MATN2: variants seen among roughly 807,000 people sequenced by gnomAD.
MATN2 encodes matrilin 2, also known as matrilin-2.
A neutral mutation model predicts 103.2 loss-of-function variants in MATN2; 69 were observed. The observed-to-expected ratio is 0.67, with a 90% CI of 0.55 to 0.82. The LOEUF is 0.82. Among genes scored for constraint, MATN2 ranks in the 40% least tolerant of loss-of-function variants. The probability of loss-of-function intolerance (pLI) is 0.00; values close to 1 mark genes in which losing one functional copy is unlikely to be tolerated. For synonymous variants in MATN2, 429 were observed against 450.2 expected (o/e 0.95, Z 0.60); for missense variants, 1,023 against 1,211.5 (o/e 0.84, Z 2.31).
At chr8:98,028,454 G>A (rs1313876858) in intron 14 of MATN2, among the ~76,000 whole-genome samples, 3 of 152,136 alleles carry the variant, frequency 2.0e-5, no homozygotes, top group Non-Finnish European at 4.4e-5. Context: ...GATGTGAAGC[G>A]TGCTCGAGGA....
At chr8:97,970,975 G>T (rs1403554079) in intron 5 of MATN2, among the ~76,000 whole-genome samples, 1 of 151,968 alleles carries the variant, frequency 6.6e-6, no homozygotes, top group African/African-American at 2.4e-5. Flanking sequence ...TAAAAATTAG[G>T]GGTTTATATA....
chr8:98,004,635 C>G (rs539840172), intron 8 of MATN2, among the ~76,000 whole-genome samples: 1 of 152,328 alleles, frequency 6.6e-6, no homozygotes, highest in East Asian at 1.9e-4. Context: ...TATCATGGAG[C>G]CTGTGAGAGG....
chr8:97,925,318 T>A (rs1809957106), intron 2 of MATN2, among the ~76,000 whole-genome samples: 1 of 152,110 alleles, frequency 6.6e-6, no homozygotes, highest in Admixed American at 6.6e-5. Context: ...TCTTGTGTAC[T>A]TATAAGCTTG....
chr8:98,036,357 C>G lies in MATN2; in HGVS notation c.*645C>G, dbSNP rs1352077195. 1 of 152,146 alleles carries G rather than the reference C, an allele frequency of 6.6e-6. No homozygotes were observed. Among genetic ancestry groups the G allele is most frequent in the Non-Finnish European group, 1.5e-5 (1 of 68,034 alleles). 9.4% of individuals were successfully genotyped at this position (152,146 alleles called of 1,614,324 possible). On this transcript the variant is annotated 3_prime_UTR_variant, in exon 19 of 19. Coordinates refer to ENST00000254898, the MANE Select transcript of MATN2 (RefSeq NM_002380.5). ...GGTTAAAACAATACCATTTTTCACC[C>G]ATCAGCTTAGCAAAAATGAGTATAT...
intron 5 of MATN2, among the ~76,000 whole-genome samples, chr8:97,978,233 C>T (rs1405424947): frequency 6.6e-6 from 1 of 152,020 alleles, no homozygotes; most frequent in East Asian, 1.9e-4. Context: ...GTGTAATGAA[C>T]ACATATTTGT....
chr8:98,024,856 C>CA (rs748801245), intron 13 of MATN2: 3 of 103,034 alleles, frequency 2.9e-5, no homozygotes, highest in Non-Finnish European at 6.4e-5. Context: ...AAAAAATAGT[C>CA]TAATAAGTGG....
chr8:97,895,530 G>A (rs1162313431), intron 2 of MATN2, among the ~76,000 whole-genome samples: 2 of 152,182 alleles, frequency 1.3e-5, no homozygotes, highest in African/African-American at 4.8e-5. Flanking sequence ...CACACACATT[G>A]CAGGCCCTCT....
At chr8:97,884,844 G>A (rs1489847940) in intron 1 of MATN2, among the ~76,000 whole-genome samples, 1 of 152,210 alleles carries the variant, frequency 6.6e-6, no homozygotes, top group Non-Finnish European at 1.5e-5. Flanking sequence ...GTGCCAGGCA[G>A]TGTTTGAAGT....
intron 2 of MATN2, among the ~76,000 whole-genome samples, chr8:97,911,460 G>A (rs1809433486): frequency 6.6e-6 from 1 of 152,034 alleles, no homozygotes; most frequent in Non-Finnish European, 1.5e-5. Context: ...TGTAATCCCA[G>A]CACTTTGGGA....
chr8:97,986,470 T>C (rs1017704542), intron 6 of MATN2, among the ~76,000 whole-genome samples: 1 of 152,194 alleles, frequency 6.6e-6, no homozygotes, highest in Non-Finnish European at 1.5e-5. Flanking sequence ...GTCCATTGTA[T>C]CATTCTTATG....
In MATN2 at chr8:97,958,976, G is replaced by A. The variant is rs536754602; in HGVS notation, c.836-2432G>A. ...GCTTCCCTCTTCTGTTTACTCACGC[G>A]TCCCAAGCCTGGAGTGCTGTTTCTC... On this transcript the variant is annotated intron_variant, in intron 4 of 18. Transcript: ENST00000254898. Among the ~76,000 whole-genome samples, 125 of 152,170 alleles carry A rather than the reference G, an allele frequency of 8.2e-4. 1 individual carries two copies. The South Asian group carries it at 0.018, about 22-fold the overall frequency.
intron 6 of MATN2, among the ~76,000 whole-genome samples, chr8:97,988,171 A>AAATATATAT (rs1252963740): frequency 4.3e-5 from 2 of 46,118 alleles, no homozygotes; most frequent in Admixed American, 2.8e-4. Flanking sequence ...AAAAAAAAAA[A>AAATATATAT]ATATATATAT....
Position 97,930,864 on chromosome 8 carries a change from C to T in MATN2, c.143-89C>T, listed in dbSNP as rs544056363. ...CTTGAATTCCTGACCTCAGGTGATCCACCCGCCTTCCAAAGTGCTGGGATT... is the reference window on the plus strand; with the variant it reads ...CTTGAATTCCTGACCTCAGGTGATCTACCCGCCTTCCAAAGTGCTGGGATT... On this transcript the variant is annotated intron_variant, in intron 2 of 18. Coordinates refer to ENST00000254898, the MANE Select transcript of MATN2 (RefSeq NM_002380.5). The T allele has an allele frequency of 3.4e-5, 28 of 819,346 alleles. No individual in the cohort carries two copies. In the South Asian group the frequency reaches 4.1e-4, roughly 12 times the overall value. The allele number at this position is 819,346 out of a possible 1,614,324, so 50.8% of individuals were successfully genotyped here. A position where few individuals can be genotyped will look rare whatever the true frequency, so the allele number is the denominator to read the frequency against.
chr8:98,001,840 A>G (rs1812796374), intron 7 of MATN2, among the ~76,000 whole-genome samples: 1 of 152,094 alleles, frequency 6.6e-6, no homozygotes, highest in African/African-American at 2.4e-5. Context: ...CTTATGTTTC[A>G]TTGGTCAGAA....
chr8:97,897,227 T>C (rs1275176751), intron 2 of MATN2, among the ~76,000 whole-genome samples: 1 of 152,228 alleles, frequency 6.6e-6, no homozygotes, highest in Non-Finnish European at 1.5e-5. Flanking sequence ...GAACTATTAC[T>C]GTAGAGAAAC....
intron 7 of MATN2, among the ~76,000 whole-genome samples, chr8:97,999,393 T>C (rs1812707087): frequency 6.6e-6 from 1 of 152,240 alleles, no homozygotes; most frequent in Admixed American, 6.5e-5. Flanking sequence ...CCACAGTGGC[T>C]GAATGCTGGG....
rs758315496 is a variant in MATN2, at chr8:98,027,791, A to T, written c.2318A>T (p.Asp773Val). ...AIVFTDGRAQ[D>V]DVSEWASKAK... ...GTGTTCACCGACGGACGGGCTCAGG[A>T]TGACGTCTCCGAGTGGGCCAGTAAA... The change falls in exon 14 of 19, where the codon GAT becomes GTT. Residue 773 changes from aspartate (D) to valine (V), a missense_variant. Coordinates refer to ENST00000254898, the MANE Select transcript of MATN2 (RefSeq NM_002380.5). 6 of 1,596,406 alleles carry T rather than the reference A, an allele frequency of 3.8e-6. No individual in the cohort carries two copies. Among genetic ancestry groups the T allele is most frequent in the Non-Finnish European group, 5.1e-6 (6 of 1,172,162 alleles).
chr8:97,997,825 T>C (rs924296806), intron 7 of MATN2, among the ~76,000 whole-genome samples: 4 of 151,278 alleles, frequency 2.6e-5, no homozygotes, highest in Admixed American at 1.3e-4. Flanking sequence ...AGGTTTTTTT[T>C]TTTTTTTTTT....
chr8:97,880,931 G>A (rs979222714), intron 1 of MATN2, among the ~76,000 whole-genome samples: 1 of 152,102 alleles, frequency 6.6e-6, no homozygotes, highest in Non-Finnish European at 1.5e-5. Context: ...GAGGTGCCAG[G>A]GTAGAATATT....
Sources: gnomAD v4.1 joint callset for allele counts (sites outside exome capture counted in the v4.1 genomes callset) on GRCh38, gnomAD v4.1.1 for gene constraint, MANE v1.5 for transcripts, NCBI Gene and HGNC (gene_info 2026-07-23, HGNC 2026-07-21) for gene names.